Variants in TBRG4 observed in about 807,000 individuals in gnomAD.
TBRG4 encodes the protein transforming growth factor beta regulator 4.
TBRG4 carries 43 observed loss-of-function variants against 65.6 expected under a neutral mutation model. That is an observed-to-expected ratio of 0.66 (90% CI 0.51 to 0.85). The LOEUF is 0.85. Among genes scored for constraint, TBRG4 ranks in the 40% least tolerant of loss-of-function variants. TBRG4 has a pLI of 0.00. For synonymous variants in TBRG4, 366 were observed against 341.4 expected (o/e 1.07, Z -0.79); for missense variants, 709 against 787.9 (o/e 0.90, Z 1.20).
intron 10 of TBRG4, 65 bp downstream of exon 10, chr7:45,101,193 T>G: frequency 1.3e-6 from 2 of 1,507,152 alleles, no homozygotes; most frequent in Middle Eastern, 1.8e-4. Flanking sequence ...TTCCACCTGA[T>G]CCCCTCTCTA....
Position 45,109,034 on chromosome 7 carries a change from T to C in TBRG4, c.204A>G (p.Ile68Met). The C allele has an allele frequency of 6.2e-7, 1 of 1,613,018 alleles. No individual in the cohort carries two copies. Among genetic ancestry groups the C allele is most frequent in the Non-Finnish European group, 8.5e-7 (1 of 1,179,422 alleles). The change falls in exon 2 of 11, where the codon ATA becomes ATG. Residue 68 changes from isoleucine (I) to methionine (M), a missense_variant. Ile to Met is a conservative substitution (Grantham distance 10, BLOSUM62 1). Transcript: ENST00000258770. ...TGATGAGGTGGTCCACCTGCTTCTC[T>C]ATGTAGGGAGTAGATGCTCGTTCCT... is the stretch of plus-strand genomic sequence containing the variant. ...VEKERASTPY[I>M]EKQVDHLIKK...
chr7:45,104,612 G>A lies in TBRG4; in HGVS notation c.833C>T (p.Ala278Val). ...QSRRSVPLLR[A>V]ISYHLVQKPF... Reference sequence around the variant, plus strand: ...CTTCTGCACCAGGTGGTAGGAGATGGCCCGCAGCAAGGGCACGGACCGCCG... The same window carrying A: ...CTTCTGCACCAGGTGGTAGGAGATGACCCGCAGCAAGGGCACGGACCGCCG... The change falls in exon 4 of 11, where the codon GCC (alanine) becomes GTC (valine). Residue 278 changes from alanine (A) to valine (V), a missense_variant. Transcript: ENST00000258770. 6.2e-7 allele frequency: 1 copy of A among 1,613,926 alleles called. No individual in the cohort carries two copies. Among genetic ancestry groups the A allele is most frequent in the Non-Finnish European group, 8.5e-7 (1 of 1,180,038 alleles).
Position 45,109,021 on chromosome 7 carries a change from C to G in TBRG4, c.217G>C (p.Asp73His), listed in dbSNP as rs759975275. Residue 73 changes from aspartate (D) to histidine (H), a missense_variant, in exon 2 of 11, where the codon GAC becomes CAC. Physicochemically the swap from Asp to His is moderately conservative, Grantham distance 81. Coordinates refer to ENST00000258770, the MANE Select transcript of TBRG4 (RefSeq NM_004749.4). Reference protein sequence around the residue: ...ASTPYIEKQVDHLIKKATRPE... With the variant: ...ASTPYIEKQVHHLIKKATRPE... ...CTTGTGGCCTTCTTGATGAGGTGGT[C>G]CACCTGCTTCTCTATGTAGGGAGTA... 2.5e-6 allele frequency: 4 copies of G among 1,611,826 alleles called. No individual in the cohort carries two copies. Among genetic ancestry groups the G allele is most frequent in the Non-Finnish European group, 3.4e-6 (4 of 1,178,860 alleles).
At chr7:45,105,416 TG>T in intron 3 of TBRG4, 24 bp downstream of exon 3, 1 of 1,566,886 alleles carries the variant, frequency 6.4e-7, no homozygotes, top group Non-Finnish European at 8.7e-7. Context: ...GCAGGCTGGG[TG>T]CCACCTGCTT....
At chr7:45,103,998 G>A (rs1784853843) in intron 5 of TBRG4, 101 bp downstream of exon 5, 1 of 1,410,640 alleles carries the variant, frequency 7.1e-7, no homozygotes, top group Non-Finnish European at 9.3e-7. Context: ...CCCCACAAGT[G>A]AGCATTTTCA....
In TBRG4 at chr7:45,105,468, C is replaced by A; in HGVS notation, c.708G>T (p.Glu236Asp). ...TVMMKVGHLSEPLMNRLEDKC... is the reference protein window; with the variant it reads ...TVMMKVGHLSDPLMNRLEDKC... Reference sequence around the variant, plus strand: ...TGTCTTCCAGGCGGTTCATTAGTGGCTCCGAGAGGTGTCCCACCTTCATCA... The same window carrying A: ...TGTCTTCCAGGCGGTTCATTAGTGGATCCGAGAGGTGTCCCACCTTCATCA... The change falls in exon 3 of 11, where the codon GAG becomes GAT. Residue 236 changes from glutamate to aspartate, a missense_variant. Glu to Asp is a conservative substitution (Grantham distance 45, BLOSUM62 2). Coordinates refer to ENST00000258770, the MANE Select transcript of TBRG4 (RefSeq NM_004749.4). The A allele has an allele frequency of 6.2e-7, 1 of 1,610,174 alleles. No individual in the cohort carries two copies. Among genetic ancestry groups the A allele is most frequent in the East Asian group, 2.2e-5 (1 of 44,836 alleles).
Position 45,101,317 on chromosome 7 carries a change from G to A in TBRG4, c.1735C>T (p.Leu579=), listed in dbSNP as rs1490666737. The change falls in exon 10 of 11, where the codon CTG becomes TTG. Residue 579 remains leucine, a synonymous_variant. Transcript: ENST00000258770. The part of the protein sequence containing the change: ...PNFNSRSKDL[L]GRFVLARRHI... ...CGCCGGGCCAGAACAAAGCGACCCAGCAAGTCCTTGCTTCGGCTGTTGAAG... is the reference window on the plus strand; with the variant it reads ...CGCCGGGCCAGAACAAAGCGACCCAACAAGTCCTTGCTTCGGCTGTTGAAG... 6.2e-7 allele frequency: 1 copy of A among 1,614,010 alleles called. No homozygotes were observed. Among genetic ancestry groups the A allele is most frequent in the South Asian group, 1.1e-5 (1 of 91,090 alleles).
chr7:45,110,570 G>A (rs1305594231), intron 1 of TBRG4, among the ~76,000 whole-genome samples: 1 of 151,748 alleles, frequency 6.6e-6, no homozygotes, highest in Non-Finnish European at 1.5e-5. Flanking sequence ...GGGAGGGTGA[G>A]GCAGAGCTTG....
rs184034962 is a variant in TBRG4 at position 45,100,664 on chromosome 7, C to T, written c.1795-238G>A. Among the ~76,000 whole-genome samples, 93 of 152,336 alleles carry T rather than the reference C, an allele frequency of 6.1e-4. 1 individual carries two copies. Among genetic ancestry groups the T allele is most frequent in the African/African-American group, 2.0e-3 (85 of 41,590 alleles). On this transcript the variant is annotated intron_variant, in intron 10 of 10. Transcript: ENST00000258770. ...GTGCTGGAGGGGTCTGCAAACTACT[C>T]GGAGGCCCAAGAAGGGCTTCTGAAT...
chr7:45,106,980 G>A (rs955965864), intron 2 of TBRG4: 1 of 152,172 alleles, frequency 6.6e-6, no homozygotes, highest in Non-Finnish European at 1.5e-5. Context: ...ACCCTCCAGG[G>A]ACGCGGCACC....
At chr7:45,105,222 C>G (rs754326112) in intron 3 of TBRG4, 43 of 613,620 alleles carry the variant, frequency 7.0e-5, no homozygotes, top group Middle Eastern at 8.5e-4. Flanking sequence ...TTGGGAGGAG[C>G]AAGTGGTGCT....
At position 45,101,589 on chromosome 7, in the gene TBRG4, G is replaced by A. The variant is rs763573883; in HGVS notation, c.1593C>T (p.Asp531=). Residue 531 remains aspartate, a synonymous_variant, in exon 9 of 11, where the codon GAC becomes GAT. Coordinates refer to ENST00000258770, the MANE Select transcript of TBRG4 (RefSeq NM_004749.4). ...VLDAEVLLDS[D]GEFLPVRDFV... The stretch of plus-strand genomic sequence containing the variant: ...AGTCCCTTACGGGCAGAAACTCGCC[G>A]TCACTGTCCAGCAGCACCTCAGCAT... 1.5e-5 allele frequency: 25 copies of A among 1,613,542 alleles called. No individual in the cohort carries two copies. Among genetic ancestry groups the A allele is most frequent in the African/African-American group, 1.2e-4 (9 of 74,912 alleles).
At chr7:45,109,376 T>A (rs1360178008) in intron 1 of TBRG4, 89 bp from the exon 2 acceptor site, 2 of 1,084,436 alleles carry the variant, frequency 1.8e-6, no homozygotes, top group Non-Finnish European at 2.5e-6. Flanking sequence ...AGCCACTCTA[T>A]CTGTAAAATC....
At chr7:45,109,636 CATTA>C (rs1785068761) in intron 1 of TBRG4, among the ~76,000 whole-genome samples, 1 of 152,262 alleles carries the variant, frequency 6.6e-6, no homozygotes, top group Admixed American at 6.5e-5. Context: ...ACCTAGACAG[CATTA>C]ATTTTTTTTT....
intron 8 of TBRG4, 37 bp from the exon 9 acceptor site, chr7:45,101,651 A>G: frequency 6.2e-7 from 1 of 1,603,642 alleles, no homozygotes. Flanking sequence ...ATGTTGGGGG[A>G]CATCCCTCAG....
chr7:45,101,694 G>A, intron 8 of TBRG4, 80 bp from the exon 9 acceptor site: 3 of 1,595,356 alleles, frequency 1.9e-6, no homozygotes, highest in Non-Finnish European at 2.6e-6. Flanking sequence ...AACAAAGATG[G>A]GACTGTGGGG....
Position 45,102,089 on chromosome 7 carries a change from G to A in TBRG4, c.1322-19C>T. On this transcript the variant is annotated intron_variant, in intron 7 of 10. Transcript: ENST00000258770. ...TTGCCCCCTAGGAGACAAGGAGAAAGAAGAGGGAGGTGGGCCTACGGCCAG... is the reference window on the plus strand; with the variant it reads ...TTGCCCCCTAGGAGACAAGGAGAAAAAAGAGGGAGGTGGGCCTACGGCCAG... 6.4e-7 allele frequency: 1 copy of A among 1,565,388 alleles called. No individual in the cohort carries two copies.
In TBRG4 at chr7:45,109,123, G is replaced by C. The variant is rs762647721; in HGVS notation, c.115C>G (p.Leu39Val). The C allele has an allele frequency of 1.2e-6, 2 of 1,614,234 alleles. No individual in the cohort carries two copies. Among genetic ancestry groups the C allele is most frequent in the South Asian group, 2.2e-5 (2 of 91,084 alleles). Residue 39 changes from leucine to valine, a missense_variant, in exon 2 of 11, where the codon CTG becomes GTG. Physicochemically the swap from Leu to Val is conservative, Grantham distance 32. Transcript: ENST00000258770. ...LRLAWVAHKT[L>V]TSSATSPISH... ...ATGGGTGAGGTGGCTGAGGAAGTCA[G>C]AGTCTTATGGGCTACCCAGGCAAGT...
At chr7:45,109,883 A>G (rs533085314) in intron 1 of TBRG4, among the ~76,000 whole-genome samples, 4 of 151,540 alleles carry the variant, frequency 2.6e-5, no homozygotes, top group African/African-American at 7.3e-5. Flanking sequence ...AGGCTAAGGC[A>G]CAAGAATTGC....
Sources: allele counts gnomAD v4.1 joint callset (sites outside exome capture counted in the v4.1 genomes callset), GRCh38; gene constraint gnomAD v4.1.1; transcripts MANE v1.5; gene names NCBI Gene and HGNC (gene_info 2026-07-23, HGNC 2026-07-21).